Variants in IQCM observed in about 807,000 individuals in gnomAD.
IQCM encodes IQ motif containing M.
IQCM carries 45 observed loss-of-function variants against 57.6 expected under a neutral mutation model. The observed-to-expected ratio is 0.78, with a 90% CI of 0.62 to 1.00. IQCM has a LOEUF of 1.00. Ranked by LOEUF, IQCM falls within the 50% of genes least tolerant of loss-of-function variation. The pLI is 0.00. For synonymous variants in IQCM, 148 were observed against 158.9 expected, an observed-to-expected ratio of 0.93 and a Z score of 0.51; for missense variants, 468 against 511.6, an observed-to-expected ratio of 0.91 and a Z score of 0.82.
chr4:149,449,574 A>G (rs1489255577), intron 12 of IQCM, among the ~76,000 whole-genome samples: 2 of 151,026 alleles, frequency 1.3e-5, no homozygotes, highest in Non-Finnish European at 3.0e-5. Context: ...AACAGTGAAC[A>G]ATCTGAAAAA....
At chr4:149,623,417 A>G (rs1263647938) in intron 7 of IQCM, among the ~76,000 whole-genome samples, 1 of 152,224 alleles carries the variant, frequency 6.6e-6, no homozygotes, top group Non-Finnish European at 1.5e-5. Context: ...CCCAGTATAT[A>G]GGTATCATAC....
intron 8 of IQCM, among the ~76,000 whole-genome samples, chr4:149,604,135 T>TA (rs1211111052): frequency 1.3e-5 from 2 of 152,172 alleles, no homozygotes; most frequent in African/African-American, 4.8e-5. Flanking sequence ...ACAAGGCCTA[T>TA]ATAGTGGCCT....
chr4:149,461,527 G>C (rs1738282953), intron 12 of IQCM, among the ~76,000 whole-genome samples: 1 of 151,838 alleles, frequency 6.6e-6, no homozygotes, highest in Non-Finnish European at 1.5e-5. Flanking sequence ...GGTGGCATGT[G>C]CCTGTAGTCC....
At chr4:149,528,307 T>C (rs1746381206) in intron 12 of IQCM, among the ~76,000 whole-genome samples, 1 of 152,154 alleles carries the variant, frequency 6.6e-6, no homozygotes, top group South Asian at 2.1e-4. Context: ...TTAAATAGAA[T>C]ACTCAGTTGT....
At chr4:149,486,783 C>T (rs2149765720) in intron 12 of IQCM, among the ~76,000 whole-genome samples, 1 of 152,014 alleles carries the variant, frequency 6.6e-6, no homozygotes, top group South Asian at 2.1e-4. Flanking sequence ...GAGCTCTTTC[C>T]TCAGGTTGTA....
At chr4:149,614,622 A>G (rs1755617065) in intron 8 of IQCM, among the ~76,000 whole-genome samples, 1 of 151,990 alleles carries the variant, frequency 6.6e-6, no homozygotes, top group Non-Finnish European at 1.5e-5. Context: ...TCCTCATTCT[A>G]GGGCATGGGT....
chr4:149,516,463 T>C (rs1744977457), intron 12 of IQCM, among the ~76,000 whole-genome samples: 1 of 152,204 alleles, frequency 6.6e-6, no homozygotes, highest in Non-Finnish European at 1.5e-5. Flanking sequence ...TCTTACCATG[T>C]TCCCCATCAT....
At chr4:149,653,056 T>C (rs755265228) in intron 7 of IQCM, among the ~76,000 whole-genome samples, 19 of 152,198 alleles carry the variant, frequency 1.2e-4, no homozygotes, top group South Asian at 8.3e-4. Flanking sequence ...TCAAGGAAAA[T>C]AAGTGTAACA....
intron 5 of IQCM, among the ~76,000 whole-genome samples, chr4:149,694,693 G>T (rs1246893377): frequency 6.6e-6 from 1 of 152,130 alleles, no homozygotes; most frequent in Non-Finnish European, 1.5e-5. Context: ...TCAGAAAAGG[G>T]AGTGTGTTCC....
intron 12 of IQCM, 36 bp from the exon 13 acceptor site, chr4:149,433,593 C>A: frequency 1.2e-6 from 1 of 858,774 alleles, no homozygotes; most frequent in South Asian, 6.1e-5. Flanking sequence ...AAATTTTAGA[C>A]ATTTTACAGA....
intron 7 of IQCM, among the ~76,000 whole-genome samples, chr4:149,639,959 G>C (rs574824268): frequency 6.6e-6 from 1 of 152,076 alleles, no homozygotes; most frequent in African/African-American, 2.4e-5. Flanking sequence ...AAATAAATGA[G>C]AGCATTTCAA....
At chr4:149,469,514 G>A (rs1228658888) in intron 12 of IQCM, among the ~76,000 whole-genome samples, 2 of 152,222 alleles carry the variant, frequency 1.3e-5, no homozygotes, top group African/African-American at 4.8e-5. Flanking sequence ...ACCTGAAAGT[G>A]ACGGGGAGAA....
At chr4:149,806,121 T>C (rs561044589) in intron 2 of IQCM, among the ~76,000 whole-genome samples, 12 of 151,714 alleles carry the variant, frequency 7.9e-5, no homozygotes, top group African/African-American at 2.4e-4. Context: ...GAATTATATA[T>C]AGAAATATTA....
chr4:149,622,696 T>C (rs1047553691), intron 7 of IQCM, among the ~76,000 whole-genome samples: 2 of 152,132 alleles, frequency 1.3e-5, no homozygotes, highest in African/African-American at 2.4e-5. Flanking sequence ...GGCAGCTTTG[T>C]AAGACCAAGG....
At chr4:149,796,569 G>C (rs903892905) in intron 2 of IQCM, among the ~76,000 whole-genome samples, 1 of 152,124 alleles carries the variant, frequency 6.6e-6, no homozygotes, top group Non-Finnish European at 1.5e-5. Context: ...AGTGAACATA[G>C]GCAGTAGCTA....
At chr4:149,499,073 A>G (rs1742969929) in intron 12 of IQCM, among the ~76,000 whole-genome samples, 1 of 152,200 alleles carries the variant, frequency 6.6e-6, no homozygotes, top group Non-Finnish European at 1.5e-5. Context: ...CAAGTGATAT[A>G]TAAATAGAAA....
chr4:149,756,209 C>T (rs1328424910), intron 2 of IQCM, among the ~76,000 whole-genome samples: 1 of 152,020 alleles, frequency 6.6e-6, no homozygotes, highest in Non-Finnish European at 1.5e-5. Context: ...TACCCCCCGC[C>T]GTGCCTACAA....
intron 2 of IQCM, among the ~76,000 whole-genome samples, chr4:149,746,091 A>G (rs1039175081): frequency 7.3e-5 from 11 of 151,648 alleles, no homozygotes; most frequent in African/African-American, 2.7e-4. Context: ...GAAACAAGCC[A>G]TGCTCCAGGG....
chr4:149,595,329 TA>T lies in IQCM; in HGVS notation c.682-7333del, dbSNP rs199859042. ...CTTGGTAGATCTTCCTCCATCCCTT[TA>T]TTTTTTAAGTAGGAAGGGATTTTCT... On this transcript the variant is annotated intron_variant, in intron 8 of 13. Transcript: ENST00000636793. Among the ~76,000 whole-genome samples the T allele has an allele frequency of 7.0e-3, 1,073 of 152,284 alleles. 15 individuals carry two copies. The highest frequency in any genetic ancestry group is 0.025 in the African/African-American group (1,030 of 41,556).
Sources: allele counts gnomAD v4.1 joint callset (sites outside exome capture counted in the v4.1 genomes callset), GRCh38; gene constraint gnomAD v4.1.1; transcripts MANE v1.5; gene names NCBI Gene and HGNC (gene_info 2026-07-23, HGNC 2026-07-21).